DEUP1: variants seen among roughly 807,000 people sequenced by gnomAD.
DEUP1 encodes deuterosome assembly protein 1.
DEUP1 carries 82 observed loss-of-function variants against 87.4 expected under a neutral mutation model. The ratio of observed to expected loss-of-function variants is 0.94; its 90% CI spans 0.78 to 1.13. The LOEUF (loss-of-function observed/expected upper bound fraction) is 1.13. Ranked by LOEUF, DEUP1 falls within the 50% of genes most tolerant of loss-of-function variation. DEUP1 has a pLI of 0.00. For synonymous variants in DEUP1, 214 were observed against 222.7 expected (o/e 0.96, Z 0.35); for missense variants, 663 against 681.5 (o/e 0.97, Z 0.30).
Position 93,355,515 on chromosome 11 carries a change from A to T in DEUP1, c.174A>T (p.Gln58His). The change falls in exon 3 of 14, where the codon CAA becomes CAT. Residue 58 changes from glutamine (Q) to histidine (H), a missense_variant. Physicochemically the swap from Gln to His is conservative, Grantham distance 24. Transcript: ENST00000298050. ...GGGATCAAGAATTGGCAAATGCACA[A>T]ACTTGTTTGGATCAGAAAGGTCAAG... is the stretch of plus-strand genomic sequence containing the variant. ...DLRDQELANA[Q>H]TCLDQKGQEV... is the part of the protein sequence containing the mutation. 5.0e-6 allele frequency: 8 copies of T among 1,613,758 alleles called. No individual in the cohort carries two copies. The highest frequency in any genetic ancestry group is 5.9e-6 in the Non-Finnish European group (7 of 1,179,784).
At chr11:93,436,555 T>G (rs1471303469) in intron 13 of DEUP1, among the ~76,000 whole-genome samples, 1 of 152,238 alleles carries the variant, frequency 6.6e-6, no homozygotes, top group Admixed American at 6.5e-5. Context: ...ATACTATCCC[T>G]GACACAGCAG....
At chr11:93,409,346 AT>A (rs1408857220) in intron 12 of DEUP1, among the ~76,000 whole-genome samples, 4 of 152,376 alleles carry the variant, frequency 2.6e-5, no homozygotes, top group African/African-American at 9.6e-5. Context: ...TCTATCAAGC[AT>A]AAAAATAGGC....
intron 9 of DEUP1, among the ~76,000 whole-genome samples, chr11:93,393,024 C>CCCTCCT (rs34631018): frequency 1.5e-5 from 2 of 133,494 alleles, no homozygotes; most frequent in South Asian, 2.4e-4. Context: ...CTCCTCTGAG[C>CCCTCCT]CCTCCTCCTC....
chr11:93,400,094 T>C (rs1947068829), intron 11 of DEUP1, among the ~76,000 whole-genome samples: 1 of 152,200 alleles, frequency 6.6e-6, no homozygotes, highest in African/African-American at 2.4e-5. Flanking sequence ...TGTAATAGAC[T>C]ATGGTTAACA....
At chr11:93,416,115 T>G (rs776334411) in intron 13 of DEUP1, among the ~76,000 whole-genome samples, 1 of 152,098 alleles carries the variant, frequency 6.6e-6, no homozygotes, top group African/African-American at 2.4e-5. Flanking sequence ...AAGTAGCGTA[T>G]AAGAGTTGTC....
intron 12 of DEUP1, chr11:93,410,972 GC>G (rs1947420458): frequency 6.6e-6 from 1 of 152,200 alleles, no homozygotes; most frequent in African/African-American, 2.4e-5. Context: ...TTGTTTTAAT[GC>G]CTTGTCTGAT....
intron 2 of DEUP1, among the ~76,000 whole-genome samples, chr11:93,341,439 A>C (rs949818738): frequency 6.6e-6 from 1 of 152,154 alleles, no homozygotes; most frequent in Non-Finnish European, 1.5e-5. Flanking sequence ...CTGTAAGTTC[A>C]ATTAAACTTC....
Position 93,348,545 on chromosome 11 carries a change from T to C in DEUP1, c.30-6826T>C, listed in dbSNP as rs150294569. 6.6e-5 allele frequency among the ~76,000 whole-genome samples: 10 copies of C among 152,374 alleles called. No individual in the cohort carries two copies. The East Asian group carries it at 1.9e-3, about 29-fold the overall frequency. On this transcript the variant is annotated intron_variant, in intron 2 of 13. Transcript: ENST00000298050. ...ATGGCATGTTGTGTCTTTGTTCTCA[T>C]TAGTTTCAAAGAACTTCTTGACTTC...
intron 8 of DEUP1, among the ~76,000 whole-genome samples, chr11:93,387,913 T>C (rs940838507): frequency 3.0e-4 from 45 of 152,240 alleles, no homozygotes; most frequent in African/African-American, 1.0e-3. Flanking sequence ...TATATTTCTT[T>C]GCACACATAT....
At chr11:93,344,107 A>G (rs1323872255) in intron 2 of DEUP1, among the ~76,000 whole-genome samples, 1 of 152,214 alleles carries the variant, frequency 6.6e-6, no homozygotes, top group Non-Finnish European at 1.5e-5. Context: ...TGACCTAAAA[A>G]CCATAAAATA....
intron 2 of DEUP1, among the ~76,000 whole-genome samples, chr11:93,337,269 T>G (rs1350476317): frequency 1.3e-5 from 2 of 152,218 alleles, no homozygotes; most frequent in African/African-American, 4.8e-5. Context: ...ATTAATCATC[T>G]TTACTTTACT....
chr11:93,331,814 A>T (rs1243052498), intron 1 of DEUP1, among the ~76,000 whole-genome samples: 1 of 152,216 alleles, frequency 6.6e-6, no homozygotes, highest in Non-Finnish European at 1.5e-5. Context: ...TGGGAGGCCG[A>T]GGTGGGTGGA....
intron 7 of DEUP1, among the ~76,000 whole-genome samples, chr11:93,373,243 G>A (rs11020286): frequency 0.24 from 36,807 of 151,788 alleles, 4,793 homozygotes; most frequent in South Asian, 0.38. Context: ...AGGTGGTGGT[G>A]GTTGGTTACA....
chr11:93,352,312 T>C (rs1223045902), intron 2 of DEUP1: 2 of 702,072 alleles, frequency 2.8e-6, no homozygotes, highest in Admixed American at 2.0e-5. Context: ...GGCTGAAGTG[T>C]AAGACCTCAA....
Position 93,438,004 on chromosome 11 carries a change from AT to A in DEUP1, c.*286del. The A allele has an allele frequency of 4.2e-6, 1 of 237,754 alleles. No homozygotes were observed. The highest frequency in any genetic ancestry group is 8.1e-6 in the Non-Finnish European group (1 of 123,846). 14.7% of individuals were successfully genotyped at this position (237,754 alleles called of 1,614,324 possible). A position where few individuals can be genotyped will look rare whatever the true frequency, so the allele number is the denominator to read the frequency against. The stretch of plus-strand genomic sequence containing the variant: ...AGTCTAAGGAATATTTTGGAATCAA[AT>A]ATGCAGTTTTTTTTCCCCACTTGAA... On this transcript the variant is annotated 3_prime_UTR_variant, in exon 14 of 14. Transcript: ENST00000298050.
Position 93,371,194 on chromosome 11 carries a change from A to G in DEUP1, c.703A>G (p.Asn235Asp), listed in dbSNP as rs2134267249. The G allele has an allele frequency of 1.9e-6, 3 of 1,613,218 alleles. No homozygotes were observed. In the East Asian group the frequency reaches 6.7e-5, roughly 36 times the overall value. ...TATTGAAAAACTGAAATCAGCTGTA[A>G]ATGAGATAGCACTAAGCAGGAATAA... is the stretch of plus-strand genomic sequence containing the variant. ...FIIEKLKSAV[N>D]EIALSRNKLQ... The change falls in exon 7 of 14, where the codon AAT becomes GAT. Residue 235 changes from asparagine to aspartate, a missense_variant. Transcript: ENST00000298050.
At position 93,370,067 on chromosome 11, in the gene DEUP1, TA is replaced by T; in HGVS notation, c.433-2del. The T allele has an allele frequency of 6.6e-7, 1 of 1,519,220 alleles. No individual in the cohort carries two copies. Among genetic ancestry groups the T allele is most frequent in the Admixed American group, 1.7e-5 (1 of 57,332 alleles). The allele number at this position is 1,519,220 out of a possible 1,614,324, so 94.1% of individuals were successfully genotyped here. A position where few individuals can be genotyped will look rare whatever the true frequency, so the allele number is the denominator to read the frequency against. On this transcript the variant is annotated splice_polypyrimidine_tract_variant and splice_region_variant and intron_variant, in intron 5 of 13. Transcript: ENST00000298050. Reference sequence around the variant, plus strand: ...TAAATATGTTTGTCTCCCCACTTTTTAAAAGGAATTTAGAGCAAAGTCAAGA... The same window carrying T: ...TAAATATGTTTGTCTCCCCACTTTTTAAAGGAATTTAGAGCAAAGTCAAGA...
intron 7 of DEUP1, among the ~76,000 whole-genome samples, chr11:93,382,864 A>C (rs2134313301): frequency 6.6e-6 from 1 of 152,288 alleles, no homozygotes; most frequent in African/African-American, 2.4e-5. Flanking sequence ...ACTGTTCAAA[A>C]CGGAGGCTTT....
intron 4 of DEUP1, among the ~76,000 whole-genome samples, chr11:93,359,459 A>G (rs573798781): frequency 4.7e-4 from 72 of 152,310 alleles, no homozygotes; most frequent in African/African-American, 1.6e-3. Flanking sequence ...TAAATTGGAC[A>G]TCATTTATAA....
Sources: gnomAD v4.1 joint callset for allele counts (sites outside exome capture counted in the v4.1 genomes callset) on GRCh38, gnomAD v4.1.1 for gene constraint, MANE v1.5 for transcripts, NCBI Gene and HGNC (gene_info 2026-07-23, HGNC 2026-07-21) for gene names.